IPO13: variants seen among roughly 807,000 people sequenced by gnomAD.
IPO13 encodes the protein importin-13.
In IPO13, 28 loss-of-function variants were observed where a neutral mutation model predicts 115.5. That is an observed-to-expected ratio of 0.24 (90% CI 0.18 to 0.33). The LOEUF (loss-of-function observed/expected upper bound fraction) is 0.33. IPO13 is among the 10% of genes least tolerant of loss of function. IPO13 has a pLI of 1.00. For synonymous variants in IPO13, 414 were observed against 478.9 expected, an observed-to-expected ratio of 0.86 and a Z score of 1.77; for missense variants, 785 against 1,204.6, an observed-to-expected ratio of 0.65 and a Z score of 5.16.
intron 7 of IPO13, 102 bp from the exon 8 acceptor site, chr1:43,957,875 G>A (rs1045803569): frequency 1.3e-5 from 14 of 1,097,912 alleles, no homozygotes; most frequent in Non-Finnish European, 1.6e-5. Flanking sequence ...CTGTGCTGGG[G>A]CTGCAACTTG....
In IPO13 at chr1:43,967,613, G is replaced by A. The variant is rs1166319018; in HGVS notation, c.2823G>A (p.Lys941=). ...LRERVNKRRV[K]EMVKEFTLLC... Reference sequence around the variant, plus strand: ...AGCGAGTGAACAAGAGGCGGGTGAAGGAGATGGTGAAGGAGTTCACACTGC... The same window carrying A: ...AGCGAGTGAACAAGAGGCGGGTGAAAGAGATGGTGAAGGAGTTCACACTGC... Residue 941 remains lysine (K), a synonymous_variant, in exon 20 of 20, where the codon AAG becomes AAA. Coordinates refer to ENST00000372343, the MANE Select transcript of IPO13 (RefSeq NM_014652.4). This position sits in a 1 kb window ranked among gnomAD's most constrained non-coding sequence, Gnocchi z 6.1. 6.2e-7 allele frequency: 1 copy of A among 1,614,226 alleles called. No homozygotes were observed. The highest frequency in any genetic ancestry group is 8.5e-7 in the Non-Finnish European group (1 of 1,180,036).
In IPO13 at chr1:43,950,161, A is replaced by G. The variant is rs12126983; in HGVS notation, c.821+8A>G. On this transcript the variant is annotated splice_region_variant and intron_variant, in intron 2 of 19. Transcript: ENST00000372343. ...ACAGCCTGATGCCCAGAGGTGAGCT[A>G]GTACCCACTCACCCAGAAGACAACC... The G allele has an allele frequency of 6.7e-5, 107 of 1,593,172 alleles. No homozygotes were observed. The highest frequency in any genetic ancestry group is 8.6e-5 in the Admixed American group (5 of 58,036).
intron 2 of IPO13, among the ~76,000 whole-genome samples, chr1:43,950,374 C>T (rs2085200738): frequency 6.6e-6 from 1 of 152,002 alleles, no homozygotes; most frequent in South Asian, 2.1e-4. Flanking sequence ...AAATATTTGA[C>T]TCTCTTTTCC....
chr1:43,948,318 T>G (rs1266754913), intron 1 of IPO13, among the ~76,000 whole-genome samples: 2 of 152,212 alleles, frequency 1.3e-5, no homozygotes, highest in African/African-American at 4.8e-5. Flanking sequence ...GCTCCCCGAC[T>G]GCCCAGCCCA....
chr1:43,950,927 A>G (rs2154302063), intron 2 of IPO13, among the ~76,000 whole-genome samples: 1 of 151,784 alleles, frequency 6.6e-6, no homozygotes, highest in Non-Finnish European at 1.5e-5. Flanking sequence ...GATTTCTCTC[A>G]CCTCTGTGAG....
At position 43,967,868 on chromosome 1, in the gene IPO13, G is replaced by A. The variant is rs1435381328; in HGVS notation, c.*186G>A. 1 of 625,296 alleles carries A rather than the reference G, an allele frequency of 1.6e-6. No homozygotes were observed. 38.7% of individuals were successfully genotyped at this position (625,296 alleles called of 1,614,324 possible). ...GACCCAGGCCTTGGGAGGGAATGGTGGGAACATCCTCTAGCTCCCAGGTTG... is the reference window on the plus strand; with the variant it reads ...GACCCAGGCCTTGGGAGGGAATGGTAGGAACATCCTCTAGCTCCCAGGTTG... On this transcript the variant is annotated 3_prime_UTR_variant, in exon 20 of 20. Transcript: ENST00000372343. The surrounding 1 kb of genome is among the most constrained non-coding windows in gnomAD (Gnocchi z 6.1).
chr1:43,949,709 C>T lies in IPO13; in HGVS notation c.377C>T (p.Ala126Val). The T allele has an allele frequency of 3.1e-6, 5 of 1,614,198 alleles. No homozygotes were observed. The highest frequency in any genetic ancestry group is 4.2e-6 in the Non-Finnish European group (5 of 1,179,988). Reference sequence around the variant, plus strand: ...ATTGTACTGACTCGGCTGTGCGTGGCACTGGCCTCACTGGCTCTCAGCATG... The same window carrying T: ...ATTGTACTGACTCGGCTGTGCGTGGTACTGGCCTCACTGGCTCTCAGCATG... ...SKIVLTRLCVALASLALSMMP... is the reference protein window; with the variant it reads ...SKIVLTRLCVVLASLALSMMP... Residue 126 changes from alanine to valine, a missense_variant, in exon 2 of 20, where the codon GCA becomes GTA. By Grantham distance (64) the Ala-to-Val change is moderately conservative. Transcript: ENST00000372343.
chr1:43,956,811 A>T lies in IPO13; in HGVS notation c.1106A>T (p.Asp369Val). Residue 369 changes from aspartate (D) to valine (V), a missense_variant and splice_region_variant, in exon 5 of 20, where the codon GAT (aspartate) becomes GTT (valine). Coordinates refer to ENST00000372343, the MANE Select transcript of IPO13 (RefSeq NM_014652.4). The surrounding 1 kb of genome is among the most constrained non-coding windows in gnomAD (Gnocchi z 4.7). Reference sequence around the variant, plus strand: ...AATTCTCTTCCCTGGCTCTCTCAGGATGATATTCTATCCTTTGAGGCAGAG... The same window carrying T: ...AATTCTCTTCCCTGGCTCTCTCAGGTTGATATTCTATCCTTTGAGGCAGAG... ...LTLTFWYTLQ[D>V]DILSFEAEKQ... The T allele has an allele frequency of 6.2e-7, 1 of 1,614,156 alleles. No homozygotes were observed. The highest frequency in any genetic ancestry group is 2.2e-5 in the East Asian group (1 of 44,884).
intron 2 of IPO13, among the ~76,000 whole-genome samples, chr1:43,955,866 A>T (rs983679229): frequency 6.6e-6 from 1 of 151,692 alleles, no homozygotes; most frequent in African/African-American, 2.4e-5. Flanking sequence ...CTTCATCTCA[A>T]TCTCCCCAAA....
In IPO13 at chr1:43,967,633, C is replaced by A; in HGVS notation, c.2843C>A (p.Thr948Lys). 6.2e-7 allele frequency: 1 copy of A among 1,614,214 alleles called. No homozygotes were observed. ...GTGAAGGAGATGGTGAAGGAGTTCA[C>A]ACTGCTGTGCCGGGGTCTCCATGGC... ...RRVKEMVKEF[T>K]LLCRGLHGTD... The change falls in exon 20 of 20, where the codon ACA becomes AAA. Residue 948 changes from threonine to lysine, a missense_variant. Thr to Lys is a moderately conservative substitution (Grantham distance 78). This residue lies in a region of IPO13 where 285 missense variants were observed against 394.8 expected (regional missense o/e 0.72). Coordinates refer to ENST00000372343, the MANE Select transcript of IPO13 (RefSeq NM_014652.4). The surrounding 1 kb of genome is among the most constrained non-coding windows in gnomAD (Gnocchi z 6.1).
chr1:43,949,286 C>A, intron 1 of IPO13, 131 bp from the exon 2 acceptor site: 1 of 937,934 alleles, frequency 1.1e-6, no homozygotes, highest in Non-Finnish European at 1.6e-6. Context: ...CTGCAGAGCG[C>A]TGAGCTCTCC....
Position 43,958,896 on chromosome 1 carries a change from G to A in IPO13, c.2028+7G>A. On this transcript the variant is annotated splice_region_variant and intron_variant, in intron 11 of 19. Transcript: ENST00000372343. This position sits in a 1 kb window ranked among gnomAD's most constrained non-coding sequence, Gnocchi z 6.3. Reference sequence around the variant, plus strand: ...GCCACAGGGACCCAACCCCGTGGGTGACATTTGCCCACGGCAAAGACATTT... The same window carrying A: ...GCCACAGGGACCCAACCCCGTGGGTAACATTTGCCCACGGCAAAGACATTT... The A allele has an allele frequency of 6.2e-7, 1 of 1,613,122 alleles. No individual in the cohort carries two copies. Among genetic ancestry groups the A allele is most frequent in the Non-Finnish European group, 8.5e-7 (1 of 1,179,236 alleles).
chr1:43,958,123 C>T lies in IPO13; in HGVS notation c.1687C>T (p.Pro563Ser). The change falls in exon 8 of 20, where the codon CCT (proline) becomes TCT (serine). Residue 563 changes from proline (P) to serine (S), a missense_variant. Physicochemically the swap from Pro to Ser is moderately conservative, Grantham distance 74. Transcript: ENST00000372343. The surrounding 1 kb of genome is among the most constrained non-coding windows in gnomAD (Gnocchi z 6.3). ...KICRECKYDLPPYAANIVAVS... is the reference protein window; with the variant it reads ...KICRECKYDLSPYAANIVAVS... ...CTGCCGAGAGTGCAAGTATGACCTG[C>T]CTCCCTATGCTGCCAACATTGTGGC... The T allele has an allele frequency of 1.2e-6, 2 of 1,614,198 alleles. No homozygotes were observed. The highest frequency in any genetic ancestry group is 1.3e-5 in the African/African-American group (1 of 75,046).
intron 2 of IPO13, among the ~76,000 whole-genome samples, chr1:43,951,401 C>A (rs536229509): frequency 3.3e-4 from 50 of 152,300 alleles, no homozygotes; most frequent in African/African-American, 1.2e-3. Flanking sequence ...GAGGAAGTGA[C>A]AACCCAGCTG....
intron 2 of IPO13, among the ~76,000 whole-genome samples, chr1:43,950,849 C>A (rs1396857697): frequency 6.6e-6 from 1 of 152,220 alleles, no homozygotes; most frequent in Admixed American, 6.5e-5. Context: ...ATTCTTAAGG[C>A]TAAGTTTGAT....
chr1:43,958,473 A>C lies in IPO13; in HGVS notation c.1762A>C (p.Met588Leu), dbSNP rs2085267169. The C allele has an allele frequency of 6.2e-7, 1 of 1,614,154 alleles. No homozygotes were observed. The highest frequency in any genetic ancestry group is 1.1e-5 in the South Asian group (1 of 91,074). ...MKQIHKTSQC[M>L]WLMQALGFLL... Reference sequence around the variant, plus strand: ...TTCTGCCCCACAGACAAGCCAGTGCATGTGGCTGATGCAGGCGCTGGGCTT... The same window carrying C: ...TTCTGCCCCACAGACAAGCCAGTGCCTGTGGCTGATGCAGGCGCTGGGCTT... Residue 588 changes from methionine to leucine, a missense_variant, in exon 10 of 20, where the codon ATG becomes CTG. Physicochemically the swap from Met to Leu is conservative, Grantham distance 15. Transcript: ENST00000372343. This position sits in a 1 kb window ranked among gnomAD's most constrained non-coding sequence, Gnocchi z 6.3.
intron 2 of IPO13, among the ~76,000 whole-genome samples, chr1:43,954,075 T>G (rs570402716): frequency 3.5e-4 from 54 of 152,322 alleles, no homozygotes; most frequent in African/African-American, 1.3e-3. Context: ...CTGCATGAAC[T>G]TTGGCAGGTG....
chr1:43,958,586 A>G lies in IPO13; in HGVS notation c.1875A>G (p.Ala625=), dbSNP rs2085267923. 6.2e-7 allele frequency: 1 copy of G among 1,613,968 alleles called. No homozygotes were observed. The highest frequency in any genetic ancestry group is 1.3e-5 in the African/African-American group (1 of 74,906). Residue 625 remains alanine, a synonymous_variant, in exon 10 of 20, where the codon GCA becomes GCG. Coordinates refer to ENST00000372343, the MANE Select transcript of IPO13 (RefSeq NM_014652.4). This position sits in a 1 kb window ranked among gnomAD's most constrained non-coding sequence, Gnocchi z 6.3. ...SPYIQQLEKL[A]EEIPNPSNKL... is the part of the protein sequence containing the mutation. ...ATATCCAGCAACTGGAGAAGCTGGCAGAGGAGATAGTGAGTGAGCTCTGGG... is the reference window on the plus strand; with the variant it reads ...ATATCCAGCAACTGGAGAAGCTGGCGGAGGAGATAGTGAGTGAGCTCTGGG...
Position 43,964,159 on chromosome 1 carries a change from C to T in IPO13, c.2345-110C>T. ...TTTCTTTATCTTGCTTCCTGCTGCT[C>T]ATGTGCCCCCACGCTGTCTCCCTGC... On this transcript the variant is annotated intron_variant, in intron 14 of 19. Coordinates refer to ENST00000372343, the MANE Select transcript of IPO13 (RefSeq NM_014652.4). 4.2e-6 allele frequency: 3 copies of T among 716,080 alleles called. No homozygotes were observed. In the South Asian group the frequency reaches 4.9e-5, roughly 12 times the overall value. The allele number at this position is 716,080 out of a possible 1,614,324, so 44.4% of individuals were successfully genotyped here.
Sources: allele counts gnomAD v4.1 joint callset (sites outside exome capture counted in the v4.1 genomes callset), GRCh38; gene constraint gnomAD v4.1.1; regional missense constraint gnomAD v4.1.1; non-coding constraint Gnocchi (gnomAD v3.1); transcripts MANE v1.5; gene names NCBI Gene and HGNC (gene_info 2026-07-23, HGNC 2026-07-21).